NCOR2: variants seen among roughly 807,000 people sequenced by gnomAD.
NCOR2 encodes the protein CTG repeat protein 26.
A neutral mutation model predicts 262.9 loss-of-function variants in NCOR2; 81 were observed. That is an observed-to-expected ratio of 0.31 (90% confidence interval 0.26 to 0.37). The LOEUF (loss-of-function observed/expected upper bound fraction) is 0.37. Among genes scored for constraint, NCOR2 ranks in the 10% least tolerant of loss-of-function variants. The probability of loss-of-function intolerance (pLI) is 1.00; values close to 1 mark genes in which losing one functional copy is unlikely to be tolerated. For synonymous variants in NCOR2, 1,659 were observed against 1,559.3 expected (o/e 1.06, Z -1.51); for missense variants, 3,385 against 3,621.4 (o/e 0.93, Z 1.68).
chr12:124,525,314 G>A (rs1274922366), intron 1 of NCOR2, among the ~76,000 whole-genome samples: 2 of 152,180 alleles, frequency 1.3e-5, no homozygotes, highest in Non-Finnish European at 2.9e-5. Context: ...CACCTCCTCA[G>A]AAGCTACCCT....
chr12:124,419,487 C>T (rs1365002108), intron 13 of NCOR2, among the ~76,000 whole-genome samples: 1 of 152,192 alleles, frequency 6.6e-6, no homozygotes, highest in Non-Finnish European at 1.5e-5. Context: ...GCAACGGCGT[C>T]TGAAAAAACG....
chr12:124,551,340 T>C (rs921386719), intron 1 of NCOR2, among the ~76,000 whole-genome samples: 1 of 152,032 alleles, frequency 6.6e-6, no homozygotes, highest in African/African-American at 2.4e-5. Flanking sequence ...GCTCCCCCAG[T>C]AGCAAACAGG....
At chr12:124,351,249 GACC>G (rs2037432358) in intron 27 of NCOR2, among the ~76,000 whole-genome samples, 1 of 152,182 alleles carries the variant, frequency 6.6e-6, no homozygotes, top group Admixed American at 6.5e-5. Flanking sequence ...CTGTACCCGT[GACC>G]ACGTCATGCA....
At chr12:124,490,475 G>T (rs2048024944) in intron 1 of NCOR2, among the ~76,000 whole-genome samples, 1 of 148,574 alleles carries the variant, frequency 6.7e-6, no homozygotes, top group East Asian at 2.0e-4. Context: ...TCCCAGCATG[G>T]GAGCTCCCAA....
intron 26 of NCOR2, 81 bp from the exon 29 acceptor site, chr12:124,354,277 C>T: frequency 7.3e-7 from 1 of 1,375,074 alleles, no homozygotes; most frequent in South Asian, 1.2e-5. Context: ...GCCACCCTGA[C>T]TGAGAGACCC....
intron 2 of NCOR2, 134 bp downstream of exon 4, chr12:124,486,307 A>AG: frequency 7.2e-7 from 1 of 1,394,976 alleles, no homozygotes; most frequent in South Asian, 1.3e-5. Context: ...CGCCAGGTCA[A>AG]GGGTGAACAC....
Position 124,495,069 on chromosome 12 carries a change from A to C in NCOR2, c.105+78T>G. 5 of 1,534,240 alleles carry C rather than the reference A, an allele frequency of 3.3e-6. No homozygotes were observed. Among genetic ancestry groups the C allele is most frequent in the Non-Finnish European group, 4.4e-6 (5 of 1,133,472 alleles). On this transcript the variant is annotated intron_variant, in intron 1 of 46. Coordinates refer to ENST00000405201, the Ensembl canonical transcript of NCOR2. The surrounding 1 kb of genome is among the most constrained non-coding windows in gnomAD (Gnocchi z 4.4). ...CACATGAGCCTGGCTCCCAGGAGAA[A>C]GGAAGGGGTGAAGACTCAGTGGAAT...
At chr12:124,399,814 G>A (rs573895725) in intron 15 of NCOR2, among the ~76,000 whole-genome samples, 6 of 152,196 alleles carry the variant, frequency 3.9e-5, no homozygotes, top group African/African-American at 1.2e-4. Context: ...GACAACAGAC[G>A]CACACCGCTG....
At chr12:124,494,860 C>G (rs528781884) in intron 1 of NCOR2, among the ~76,000 whole-genome samples, 1 of 152,356 alleles carries the variant, frequency 6.6e-6, no homozygotes, top group South Asian at 2.1e-4. Context: ...GCAGGAGCTC[C>G]ACATTCGCGT....
chr12:124,527,423 T>C (rs529157233), intron 1 of NCOR2, among the ~76,000 whole-genome samples: 2 of 152,048 alleles, frequency 1.3e-5, no homozygotes, highest in Non-Finnish European at 2.9e-5. Flanking sequence ...ATTTTTTATT[T>C]ATTTTTTTTT....
chr12:124,336,881 G>A (rs750434941), exon 38 of NCOR2: 9 of 1,609,464 alleles, frequency 5.6e-6, no homozygotes, highest in Middle Eastern at 1.6e-4. Context: ...GAGGTTCTTC[G>A]CAGGGGTGCG....
intron 5 of NCOR2, among the ~76,000 whole-genome samples, chr12:124,461,509 T>A (rs2136596346): frequency 6.6e-6 from 1 of 152,318 alleles, no homozygotes; most frequent in South Asian, 2.1e-4. Flanking sequence ...GGCACACAAG[T>A]CCTTAGTCAC....
At chr12:124,352,834 T>G (rs762978466) in intron 27 of NCOR2, among the ~76,000 whole-genome samples, 1 of 152,220 alleles carries the variant, frequency 6.6e-6, no homozygotes, top group African/African-American at 2.4e-5. Flanking sequence ...GATGAGCCTG[T>G]AGCCTCTTGC....
intron 7 of NCOR2, among the ~76,000 whole-genome samples, chr12:124,445,847 A>G (rs2045134967): frequency 6.6e-6 from 1 of 152,248 alleles, no homozygotes; most frequent in Admixed American, 6.5e-5. Context: ...CTCTGTAGAC[A>G]AAAGAAAGAA....
At chr12:124,486,904 C>T (rs2047794011) in intron 1 of NCOR2, among the ~76,000 whole-genome samples, 1 of 152,190 alleles carries the variant, frequency 6.6e-6, no homozygotes, top group African/African-American at 2.4e-5. Context: ...CTAATACAGG[C>T]CTGGAACCAT....
At chr12:124,363,378 G>C (rs940682915) in intron 21 of NCOR2, among the ~76,000 whole-genome samples, 1 of 152,228 alleles carries the variant, frequency 6.6e-6, no homozygotes, top group Non-Finnish European at 1.5e-5. Flanking sequence ...TAGCTGAGTG[G>C]GTGGGGGAAG....
rs1232554032 is a variant in NCOR2, at chr12:124,443,998, C to T, written c.815+5817G>A. Among the ~76,000 whole-genome samples, 4 of 152,200 alleles carry T rather than the reference C, an allele frequency of 2.6e-5. No homozygotes were observed. The highest frequency in any genetic ancestry group is 5.9e-5 in the Non-Finnish European group (4 of 68,042). On this transcript the variant is annotated intron_variant, in intron 7 of 46. Transcript: ENST00000405201. This position sits in a 1 kb window ranked among gnomAD's most constrained non-coding sequence, Gnocchi z 4.4. ...CCCGTTCCTCAGCCCCTACTACTCCCTATTGCCTCACACCAGCCCTCCTCA... is the reference window on the plus strand; with the variant it reads ...CCCGTTCCTCAGCCCCTACTACTCCTTATTGCCTCACACCAGCCCTCCTCA...
At chr12:124,463,690 G>T (rs1031754226) in intron 5 of NCOR2, among the ~76,000 whole-genome samples, 3 of 152,254 alleles carry the variant, frequency 2.0e-5, no homozygotes, top group African/African-American at 7.2e-5. Context: ...AAGGAAGGCG[G>T]ATTAAAATTT....
chr12:124,371,827 TC>T (rs1330247139), intron 20 of NCOR2, among the ~76,000 whole-genome samples, 194 bp downstream of exon 22: 2 of 152,118 alleles, frequency 1.3e-5, no homozygotes, highest in Non-Finnish European at 2.9e-5. Context: ...GGGGAGGTCC[TC>T]CCGGCCACAC....
Sources: gnomAD v4.1 joint callset for allele counts (sites outside exome capture counted in the v4.1 genomes callset) on GRCh38, gnomAD v4.1.1 for gene constraint, Gnocchi (gnomAD v3.1) non-coding constraint, MANE v1.5 for transcripts, NCBI Gene and HGNC (gene_info 2026-07-23, HGNC 2026-07-21) for gene names.